Variants in SLC2A9 observed in about 807,000 individuals in gnomAD.
The protein encoded by SLC2A9 is solute carrier family 2 member 9, also known as solute carrier family 2, facilitated glucose transporter member 9.
SLC2A9 carries 39 observed loss-of-function variants against 50.6 expected under a neutral mutation model. The observed-to-expected ratio is 0.77, with a 90% CI of 0.60 to 1.01. SLC2A9 has a LOEUF of 1.01. SLC2A9 is among the 50% of genes least tolerant of loss of function. The pLI, the probability that SLC2A9 is intolerant of heterozygous loss-of-function variation, is 0.00. For missense variants in SLC2A9, 686 were observed against 677.6 expected (o/e 1.01, Z -0.14); for synonymous variants, 324 against 276.9 (o/e 1.17, Z -1.69).
At chr4:10,001,152 T>C (rs952853541) in intron 2 of SLC2A9, among the ~76,000 whole-genome samples, 1 of 152,088 alleles carries the variant, frequency 6.6e-6, no homozygotes, top group African/African-American at 2.4e-5. Context: ...CAGACACGGG[T>C]ACAGAGTGAA....
At chr4:9,954,107 C>T (rs1324642665) in intron 5 of SLC2A9, among the ~76,000 whole-genome samples, 1 of 152,206 alleles carries the variant, frequency 6.6e-6, no homozygotes, top group Admixed American at 6.5e-5. Context: ...CTGCGCCCAG[C>T]CCTAATTTTT....
intron 10 of SLC2A9, among the ~76,000 whole-genome samples, chr4:9,845,267 C>T (rs535636496): frequency 1.3e-5 from 2 of 151,788 alleles, no homozygotes; most frequent in Admixed American, 1.3e-4. Context: ...CCTGCCTCGG[C>T]CCCCCAAAGT....
chr4:9,878,918 T>C (rs988302579), intron 10 of SLC2A9: 1 of 465,158 alleles, frequency 2.1e-6, no homozygotes, highest in Non-Finnish European at 2.8e-6. Context: ...GGAAAACATG[T>C]GTTTGGTGTC....
At chr4:9,939,935 A>C (rs898147951) in intron 6 of SLC2A9, among the ~76,000 whole-genome samples, 1 of 152,146 alleles carries the variant, frequency 6.6e-6, no homozygotes, top group Admixed American at 6.5e-5. Context: ...CTTAAGGCCA[A>C]TATCTTTGTT....
chr4:9,822,908 G>A (rs1724604473), downstream of SLC2A9, among the ~76,000 whole-genome samples: 1 of 152,140 alleles, frequency 6.6e-6, no homozygotes, highest in South Asian at 2.1e-4. Flanking sequence ...TTCAGTCCAT[G>A]TCCATTGCAC....
chr4:9,975,942 C>T (rs553005694), intron 5 of SLC2A9, among the ~76,000 whole-genome samples: 1 of 152,158 alleles, frequency 6.6e-6, no homozygotes, highest in Non-Finnish European at 1.5e-5. Context: ...TCATGTTGTT[C>T]GCAGCAACAT....
At chr4:10,011,033 C>T (rs1181644062) in intron 2 of SLC2A9, among the ~76,000 whole-genome samples, 1 of 152,228 alleles carries the variant, frequency 6.6e-6, no homozygotes, top group Non-Finnish European at 1.5e-5. Flanking sequence ...AGGTCCATCA[C>T]CTCAATAGTT....
intron 1 of SLC2A9, among the ~76,000 whole-genome samples, chr4:10,038,823 C>T (rs1179967964): frequency 6.6e-6 from 1 of 152,160 alleles, no homozygotes; most frequent in East Asian, 1.9e-4. Context: ...AGGCAAAGAG[C>T]ACCAAGGTCC....
At chr4:9,782,563 C>G (rs764692136) in intron 3 of SLC2A9, 2 of 1,613,888 alleles carry the variant, frequency 1.2e-6, no homozygotes, top group South Asian at 2.2e-5. Context: ...CGGTCCAGCT[C>G]AACTGGCACA....
chr4:9,968,946 A>G (rs7376960), intron 5 of SLC2A9, among the ~76,000 whole-genome samples: 30,620 of 152,138 alleles, frequency 0.2, 3,431 homozygotes, highest in Admixed American at 0.33. Flanking sequence ...CACTCTAATT[A>G]AATAAATGAC....
chr4:9,799,700 C>CCCCCACA lies in SLC2A9; in HGVS notation n.421-460_421-459insTGTGGGG, dbSNP rs1553813199. On this transcript the variant is annotated intron_variant and non_coding_transcript_variant, in intron 3 of 3. Transcript: ENST00000503280. ...AGCTCCATTCCAATTGTACCCCCCCCCCACCCAACTTCTACACCAGTTTTG... is the reference window on the plus strand; with the variant it reads ...AGCTCCATTCCAATTGTACCCCCCCCCCCCACACCACCCAACTTCTACACCAGTTTTG... Among the ~76,000 whole-genome samples the CCCCCACA allele has an allele frequency of 1.2e-4, 11 of 93,716 alleles. No homozygotes were observed. In the South Asian group the frequency reaches 1.5e-3, roughly 13 times the overall value. 61.5% of individuals were successfully genotyped at this position (93,716 alleles called of 152,430 possible).
downstream of SLC2A9, among the ~76,000 whole-genome samples, chr4:9,775,910 G>A: frequency 6.6e-6 from 1 of 152,164 alleles, no homozygotes; most frequent in Non-Finnish European, 1.5e-5. Context: ...TACACTTCTA[G>A]AACACACGTG....
chr4:9,846,578 TCA>T (rs1729032179), intron 10 of SLC2A9, among the ~76,000 whole-genome samples: 1 of 152,190 alleles, frequency 6.6e-6, no homozygotes, highest in African/African-American at 2.4e-5. Flanking sequence ...TCTCTAGACC[TCA>T]GTTTCCTTGC....
chr4:10,009,047 T>C (rs891116615), intron 2 of SLC2A9, among the ~76,000 whole-genome samples: 1 of 152,108 alleles, frequency 6.6e-6, no homozygotes, highest in African/African-American at 2.4e-5. Context: ...ATAGACATAA[T>C]TGCCCGTTGT....
Position 9,880,347 on chromosome 4 carries a change from G to A in SLC2A9, c.1291+7220C>T, listed in dbSNP as rs571050342. 1.2e-5 allele frequency: 12 copies of A among 985,598 alleles called. No individual in the cohort carries two copies. The South Asian group carries it at 2.8e-4, about 23-fold the overall frequency. 61.1% of individuals were successfully genotyped at this position (985,598 alleles called of 1,614,324 possible). On this transcript the variant is annotated intron_variant, in intron 10 of 11. Transcript: ENST00000264784. ...GGGGTTGAAGATGGATTGAGGAAGC[G>A]GAGGGCAGGGGCTGACAGGTGATCT...
intron 10 of SLC2A9, among the ~76,000 whole-genome samples, chr4:9,865,125 G>C (rs1443242843): frequency 6.6e-6 from 1 of 152,222 alleles, no homozygotes; most frequent in Non-Finnish European, 1.5e-5. Flanking sequence ...AAAACACCAG[G>C]TTAGAACAGC....
intron 7 of SLC2A9, among the ~76,000 whole-genome samples, chr4:9,913,861 C>T (rs1742361597): frequency 6.6e-6 from 1 of 152,232 alleles, no homozygotes; most frequent in African/African-American, 2.4e-5. Context: ...CAAAATAGAG[C>T]TAACATTTTC....
downstream of SLC2A9, among the ~76,000 whole-genome samples, chr4:9,797,769 A>C (rs993070744): frequency 6.6e-6 from 1 of 152,188 alleles, no homozygotes; most frequent in African/African-American, 2.4e-5. Flanking sequence ...CCAAACACTT[A>C]AGACACTTTC....
chr4:9,774,517 G>A (rs1048133037), intron 1 of SLC2A9, among the ~76,000 whole-genome samples: 4 of 152,124 alleles, frequency 2.6e-5, no homozygotes, highest in Non-Finnish European at 1.5e-5. Flanking sequence ...CACCAAACAG[G>A]CTGTCCCTTG....
Sources: allele counts gnomAD v4.1 joint callset (sites outside exome capture counted in the v4.1 genomes callset), GRCh38; gene constraint gnomAD v4.1.1; transcripts MANE v1.5; gene names NCBI Gene and HGNC (gene_info 2026-07-23, HGNC 2026-07-21).